Variants in TFIP11 observed in about 807,000 individuals in gnomAD.
The protein encoded by TFIP11 is tuftelin interacting protein 11.
A neutral mutation model predicts 96.8 loss-of-function variants in TFIP11; 86 were observed. That is an observed-to-expected ratio of 0.89 (90% CI 0.75 to 1.06). The LOEUF (loss-of-function observed/expected upper bound fraction) is 1.06. Among genes scored for constraint, TFIP11 ranks in the 50% least tolerant of loss-of-function variants. The pLI, the probability that TFIP11 is intolerant of heterozygous loss-of-function variation, is 0.00. For missense variants in TFIP11, 881 were observed against 1,076.7 expected (o/e 0.82, Z 2.54); for synonymous variants, 405 against 395.2 (o/e 1.02, Z -0.29).
In TFIP11 at chr22:26,491,735, G is replaced by T; in HGVS notation, c.*278C>A. ...GCTGCCACCAGAGACTAAAGGGAAG[G>T]CTGCTATGGAGGAACTACAGAGAAC... On this transcript the variant is annotated 3_prime_UTR_variant, in exon 15 of 15. Coordinates refer to ENST00000407690, the MANE Select transcript of TFIP11 (RefSeq NM_012143.4). 1 of 1,463,400 alleles carries T rather than the reference G, an allele frequency of 6.8e-7. No homozygotes were observed. The highest frequency in any genetic ancestry group is 1.2e-5 in the South Asian group (1 of 84,830). The allele number at this position is 1,463,400 out of a possible 1,614,324, so 90.7% of individuals were successfully genotyped here.
At position 26,503,415 on chromosome 22, in the gene TFIP11, A is replaced by G. The variant is rs1311980378; in HGVS notation, c.648+251T>C. The stretch of plus-strand genomic sequence containing the variant: ...AGGTCAACACCACCTCCCAACCCCC[A>G]GCCTTATTTTCTGTCTAGGCAGCTC... On this transcript the variant is annotated intron_variant, in intron 7 of 14. Transcript: ENST00000407690. Among the ~76,000 whole-genome samples, 3 of 152,162 alleles carry G rather than the reference A, an allele frequency of 2.0e-5. No individual in the cohort carries two copies. In the East Asian group the frequency reaches 5.8e-4, roughly 29 times the overall value.
At position 26,499,343 on chromosome 22, in the gene TFIP11, C is replaced by G; in HGVS notation, c.1090G>C (p.Asp364His). 1 of 1,614,160 alleles carries G rather than the reference C, an allele frequency of 6.2e-7. No individual in the cohort carries two copies. The highest frequency in any genetic ancestry group is 8.5e-7 in the Non-Finnish European group (1 of 1,180,020). Reference protein sequence around the residue: ...HELEKMTEVLDHEERVISNLS... With the variant: ...HELEKMTEVLHHEERVISNLS... ...TTCGAGATGACCCGCTCCTCGTGGT[C>G]CAGGACCTCGGTCATCTTCTCCAGC... The change falls in exon 9 of 15, where the codon GAC (aspartate) becomes CAC (histidine). Residue 364 changes from aspartate (D) to histidine (H), a missense_variant. Physicochemically the swap from Asp to His is moderately conservative, Grantham distance 81 (BLOSUM62 -1). Transcript: ENST00000407690.
Position 26,499,155 on chromosome 22 carries a change from G to C in TFIP11, c.1278C>G (p.Ala426=), listed in dbSNP as rs1038567828. 1.2e-6 allele frequency: 2 copies of C among 1,601,322 alleles called. No homozygotes were observed. Among genetic ancestry groups the C allele is most frequent in the African/African-American group, 2.7e-5 (2 of 74,702 alleles). The change falls in exon 9 of 15, where the codon GCC becomes GCG. Residue 426 remains alanine (A), a synonymous_variant. Coordinates refer to ENST00000407690, the MANE Select transcript of TFIP11 (RefSeq NM_012143.4). ...ACTCCTTCATGAGTGGATAGACGAT[G>C]GCCACAGCAAGGTCCACACGGTCGG... ...RMSDRVDLAV[A]IVYPLMKEYF...
At chr22:26,498,847 A>C in intron 10 of TFIP11, 22 bp downstream of exon 10, 18 of 1,600,608 alleles carry the variant, frequency 1.1e-5, no homozygotes, top group Non-Finnish European at 1.5e-5. Flanking sequence ...GCTGGGGTAC[A>C]GAGCCCTGCT....
At chr22:26,508,927 A>C (rs893251024) in intron 4 of TFIP11, among the ~76,000 whole-genome samples, 1 of 151,296 alleles carries the variant, frequency 6.6e-6, no homozygotes, top group African/African-American at 2.4e-5. Context: ...GGAGGAAAAA[A>C]CCCCCAACCT....
intron 5 of TFIP11, 137 bp from the exon 6 acceptor site, chr22:26,506,596 A>G (rs1339091230): frequency 5.4e-6 from 7 of 1,304,906 alleles, no homozygotes; most frequent in South Asian, 3.0e-5. Flanking sequence ...AATGTGTGTG[A>G]TAACGTGTCA....
Position 26,506,919 on chromosome 22 carries a change from G to C in TFIP11, c.219C>G (p.Asp73Glu). Residue 73 changes from aspartate to glutamate, a missense_variant, in exon 5 of 15, where the codon GAC becomes GAG. Transcript: ENST00000407690. ...RPSFGGKRAR[D>E]YSAPVNFISA... is the part of the protein sequence containing the mutation. ...TGATGAAGTTGACTGGCGCAGAGTA[G>C]TCACGGGCCCTGTAGGCACAGAAAC... is the stretch of plus-strand genomic sequence containing the variant. 1 of 1,614,108 alleles carries C rather than the reference G, an allele frequency of 6.2e-7. No homozygotes were observed. Among genetic ancestry groups the C allele is most frequent in the African/African-American group, 1.3e-5 (1 of 75,050 alleles).
At position 26,494,132 on chromosome 22, in the gene TFIP11, C is replaced by T; in HGVS notation, c.2158+7G>A. On this transcript the variant is annotated splice_region_variant and intron_variant, in intron 14 of 14. Coordinates refer to ENST00000407690, the MANE Select transcript of TFIP11 (RefSeq NM_012143.4). ...CCAGGACATCCAAAATGGGAATCCT[C>T]ACTTACCAACGTTGGAGGACACCGC... The T allele has an allele frequency of 6.2e-7, 1 of 1,612,432 alleles. No individual in the cohort carries two copies. The highest frequency in any genetic ancestry group is 2.2e-5 in the East Asian group (1 of 44,840).
rs555549211 is a variant in TFIP11 at position 26,495,682 on chromosome 22, ATG to A, written c.1849+389_1849+390del. Among the ~76,000 whole-genome samples, 65 of 145,998 alleles carry A rather than the reference ATG, an allele frequency of 4.5e-4. 4 individuals carry two copies. Among genetic ancestry groups the A allele is most frequent in the African/African-American group, 6.0e-4 (24 of 39,792 alleles). ...TGCATGTGTGTATATATATACATATATGTGTGTGTGTGTGTGTGTATGTATAT... is the reference window on the plus strand; with the variant it reads ...TGCATGTGTGTATATATATACATATATGTGTGTGTGTGTGTGTATGTATAT... On this transcript the variant is annotated intron_variant, in intron 12 of 14. Coordinates refer to ENST00000407690, the MANE Select transcript of TFIP11 (RefSeq NM_012143.4).
chr22:26,510,209 C>T lies in TFIP11; in HGVS notation c.64G>A (p.Glu22Lys), dbSNP rs1346584020. The change falls in exon 4 of 15, where the codon GAG becomes AAG. Residue 22 changes from glutamate to lysine, a missense_variant. Glu to Lys is a moderately conservative substitution (Grantham distance 56). Transcript: ENST00000407690. ...GRIDDDDDER[E>K]NFEITDWDLQ... ...TCCCAGTCAGTGATCTCAAAGTTCT[C>T]CCGCTCGTCATCATCATCATCAATG... 1.9e-6 allele frequency: 3 copies of T among 1,614,142 alleles called. No individual in the cohort carries two copies. The highest frequency in any genetic ancestry group is 1.3e-5 in the African/African-American group (1 of 75,028).
chr22:26,507,828 T>C (rs1399242278), intron 4 of TFIP11, among the ~76,000 whole-genome samples: 1 of 151,978 alleles, frequency 6.6e-6, no homozygotes, highest in Non-Finnish European at 1.5e-5. Context: ...AAAATTACAA[T>C]AAAAAACCCT....
rs1246884341 is a variant in TFIP11, at chr22:26,503,741, C to A, written c.573G>T (p.Gly191=). The stretch of plus-strand genomic sequence containing the variant: ...GAGTGGTGCGCTCGGATCCATAAGC[C>A]CCCACAGCACCTTTTCCCTTTCTCT... ...AKQRKGKGAV[G]AYGSERTTQS... The change falls in exon 7 of 15, where the codon GGG becomes GGT. Residue 191 remains glycine, a synonymous_variant. Transcript: ENST00000407690. 1 of 1,613,922 alleles carries A rather than the reference C, an allele frequency of 6.2e-7. No homozygotes were observed. The highest frequency in any genetic ancestry group is 8.5e-7 in the Non-Finnish European group (1 of 1,180,000).
chr22:26,491,870 A>G lies in TFIP11; in HGVS notation c.*143T>C, dbSNP rs1921233823. On this transcript the variant is annotated 3_prime_UTR_variant, in exon 15 of 15. Transcript: ENST00000407690. ...CCTACGTGGCATTGTCCCATTTTACATCCTTCCCTCATGACCTGGCCTGAT... is the reference window on the plus strand; with the variant it reads ...CCTACGTGGCATTGTCCCATTTTACGTCCTTCCCTCATGACCTGGCCTGAT... 10 of 993,156 alleles carry G rather than the reference A, an allele frequency of 1.0e-5. No individual in the cohort carries two copies. Among genetic ancestry groups the G allele is most frequent in the Non-Finnish European group, 1.5e-5 (10 of 686,596 alleles). The allele number at this position is 993,156 out of a possible 1,614,324, so 61.5% of individuals were successfully genotyped here.
chr22:26,496,871 CCAGACTT>C lies in TFIP11; in HGVS notation c.1448_1454del (p.Glu483GlyfsTer36). 1 of 1,614,008 alleles carries C rather than the reference CCAGACTT, an allele frequency of 6.2e-7. No homozygotes were observed. On this transcript the variant is annotated frameshift_variant, in exon 11 of 15. Coordinates refer to ENST00000407690, the MANE Select transcript of TFIP11 (RefSeq NM_012143.4). LOFTEE classifies it high-confidence loss of function. ...TGACAATATTTCGAACAAAAGGCAT[CCAGACTT>C]CCCATATCAACCTATGGGAGAAAGG...
chr22:26,492,738 A>C, intron 14 of TFIP11: 1 of 226,148 alleles, frequency 4.4e-6, no homozygotes. Context: ...AGCTTTTAGT[A>C]CCTTGAAAAC....
At chr22:26,506,221 A>C in intron 6 of TFIP11, 82 bp downstream of exon 6, 1 of 1,444,122 alleles carries the variant, frequency 6.9e-7, no homozygotes, top group Non-Finnish European at 9.2e-7. Context: ...TTAAAAGGGA[A>C]AAGCAAACCT....
rs1435498838 is a variant in TFIP11, at chr22:26,498,945, T to C, written c.1360A>G (p.Lys454Glu). 1 of 1,613,724 alleles carries C rather than the reference T, an allele frequency of 6.2e-7. No homozygotes were observed. The highest frequency in any genetic ancestry group is 1.3e-5 in the African/African-American group (1 of 74,806). The change falls in exon 10 of 15, where the codon AAG becomes GAG. Residue 454 changes from lysine (K) to glutamate (E), a missense_variant. Coordinates refer to ENST00000407690, the MANE Select transcript of TFIP11 (RefSeq NM_012143.4). Reference sequence around the variant, plus strand: ...TCATTCTCTAGGAGGCTTTTCCACTTAGAGATGATCTCGGTGCCATAAGTG... The same window carrying C: ...TCATTCTCTAGGAGGCTTTTCCACTCAGAGATGATCTCGGTGCCATAAGTG... ...DCTYGTEIISKWKSLLENDQL... is the reference protein window; with the variant it reads ...DCTYGTEIISEWKSLLENDQL...
intron 14 of TFIP11, chr22:26,492,907 T>G (rs1400545825): frequency 6.5e-6 from 1 of 154,490 alleles, no homozygotes; most frequent in Non-Finnish European, 1.4e-5. Flanking sequence ...GGGAACAGTT[T>G]TGGAAACATG....
At chr22:26,502,143 T>C (rs777618435) in intron 7 of TFIP11, 91 bp from the exon 8 acceptor site, 6 of 1,509,358 alleles carry the variant, frequency 4.0e-6, no homozygotes, top group Non-Finnish European at 5.5e-6. Flanking sequence ...ATGTCACCAT[T>C]CACTGTCTTA....
Sources: gnomAD v4.1 joint callset for allele counts (sites outside exome capture counted in the v4.1 genomes callset) on GRCh38, gnomAD v4.1.1 for gene constraint, MANE v1.5 for transcripts, NCBI Gene and HGNC (gene_info 2026-07-23, HGNC 2026-07-21) for gene names.